Variants in DSCAM observed in about 807,000 individuals in gnomAD.
The protein encoded by DSCAM is cell adhesion molecule DSCAM.
A neutral mutation model predicts 217.7 loss-of-function variants in DSCAM; 47 were observed. The observed-to-expected ratio is 0.22, with a 90% CI of 0.17 to 0.28. DSCAM has a LOEUF of 0.28. Ranked by LOEUF, DSCAM falls within the 10% of genes least tolerant of loss-of-function variation. The pLI, the probability that DSCAM is intolerant of heterozygous loss-of-function variation, is 1.00. For synonymous variants in DSCAM, 1,056 were observed against 1,015.3 expected (o/e 1.04, Z -0.76); for missense variants, 2,080 against 2,618.3 (o/e 0.79, Z 4.49).
In DSCAM at chr21:40,754,732, A is replaced by C. The variant is rs558008953; in HGVS notation, c.44-45961T>G. Among the ~76,000 whole-genome samples, 17 of 152,338 alleles carry C rather than the reference A, an allele frequency of 1.1e-4. No homozygotes were observed. The East Asian group carries it at 3.1e-3, about 28-fold the overall frequency. On this transcript the variant is annotated intron_variant, in intron 1 of 32. Coordinates refer to ENST00000400454, the MANE Select transcript of DSCAM (RefSeq NM_001389.5). ...AAATGGTAAGGAGGTGACAGGCTCC[A>C]GGCAGGCACCAACAGCACCTGCAAC... is the stretch of plus-strand genomic sequence containing the variant.
In DSCAM at chr21:40,370,858, G is replaced by C. The variant is rs189776402; in HGVS notation, c.509-1613C>G. Among the ~76,000 whole-genome samples the C allele has an allele frequency of 2.7e-4, 41 of 152,204 alleles. No homozygotes were observed. The East Asian group carries it at 7.8e-3, about 29-fold the overall frequency. On this transcript the variant is annotated intron_variant, in intron 3 of 32. Coordinates refer to ENST00000400454, the MANE Select transcript of DSCAM (RefSeq NM_001389.5). The stretch of plus-strand genomic sequence containing the variant: ...GCTGGTCTTGAACTCATGAGCTCAA[G>C]TGATCCACCCGTCTTGGCCTCCCAA...
chr21:40,837,757 G>A (rs1030461358), intron 1 of DSCAM, among the ~76,000 whole-genome samples: 9 of 152,222 alleles, frequency 5.9e-5, no homozygotes, highest in Non-Finnish European at 1.3e-4. Context: ...AGATCCGGCA[G>A]GAGTGATAAA....
chr21:40,030,126 A>C (rs1360855790), intron 32 of DSCAM, among the ~76,000 whole-genome samples: 2 of 152,222 alleles, frequency 1.3e-5, no homozygotes, highest in Admixed American at 1.3e-4. Context: ...GGATACACAC[A>C]GGCACACACA....
chr21:40,559,182 G>A (rs964783258), intron 3 of DSCAM, among the ~76,000 whole-genome samples: 1 of 111,070 alleles, frequency 9.0e-6, no homozygotes, highest in Non-Finnish European at 2.1e-5. Context: ...AAGTAGGCCG[G>A]GCACGGTGGC....
chr21:40,121,549 C>A (rs1189085750), intron 20 of DSCAM, among the ~76,000 whole-genome samples: 1 of 152,104 alleles, frequency 6.6e-6, no homozygotes, highest in Non-Finnish European at 1.5e-5. Flanking sequence ...TGGAAGAACA[C>A]AGGCACCTGC....
chr21:40,736,541 C>T (rs1465883599), intron 1 of DSCAM, among the ~76,000 whole-genome samples: 1 of 152,182 alleles, frequency 6.6e-6, no homozygotes, highest in African/African-American at 2.4e-5. Context: ...TCTGAGGCTT[C>T]CCCAATTGTG....
intron 8 of DSCAM, among the ~76,000 whole-genome samples, chr21:40,321,477 G>A (rs1051413705): frequency 1.3e-5 from 2 of 152,166 alleles, no homozygotes; most frequent in Non-Finnish European, 2.9e-5. Flanking sequence ...TTCTTTTTGT[G>A]TCCAGCTGCT....
At chr21:40,485,237 CTTTTTT>C (rs59901955) in intron 3 of DSCAM, among the ~76,000 whole-genome samples, 3 of 108,184 alleles carry the variant, frequency 2.8e-5, no homozygotes, top group Admixed American at 1.1e-4. Context: ...GACTTTCTTT[CTTTTTT>C]TTTTTTTTTT....
chr21:40,709,102 A>T (rs2090749440), intron 1 of DSCAM, among the ~76,000 whole-genome samples: 1 of 152,058 alleles, frequency 6.6e-6, no homozygotes, highest in African/African-American at 2.4e-5. Flanking sequence ...ATATTCACTT[A>T]TTGTCTATCT....
chr21:40,502,433 T>C (rs1483477261), intron 3 of DSCAM, among the ~76,000 whole-genome samples: 1 of 152,204 alleles, frequency 6.6e-6, no homozygotes, highest in Non-Finnish European at 1.5e-5. Context: ...GTATTATCTA[T>C]AGTTCTGTAG....
At chr21:40,518,150 T>C (rs2076318512) in intron 3 of DSCAM, among the ~76,000 whole-genome samples, 2 of 149,252 alleles carry the variant, frequency 1.3e-5, no homozygotes, top group Non-Finnish European at 3.0e-5. Flanking sequence ...AAACACAGAG[T>C]GAATAGCCGA....
At chr21:40,593,984 G>A (rs569953365) in intron 3 of DSCAM, among the ~76,000 whole-genome samples, 41 of 152,158 alleles carry the variant, frequency 2.7e-4, no homozygotes, top group African/African-American at 7.7e-4. Flanking sequence ...TGTTGTTTTC[G>A]TTTATGCTTT....
chr21:40,491,630 C>T (rs1343512818), intron 3 of DSCAM, among the ~76,000 whole-genome samples: 2 of 152,276 alleles, frequency 1.3e-5, no homozygotes, highest in East Asian at 3.9e-4. Flanking sequence ...TACCTACCCT[C>T]CTTCTATAAA....
At chr21:40,360,799 G>A (rs1332739934) in intron 4 of DSCAM, among the ~76,000 whole-genome samples, 1 of 152,150 alleles carries the variant, frequency 6.6e-6, no homozygotes, top group Non-Finnish European at 1.5e-5. Context: ...CTTTTTGGAA[G>A]AATGATTTAT....
intron 1 of DSCAM, among the ~76,000 whole-genome samples, chr21:40,804,944 C>T (rs1175706142): frequency 6.6e-6 from 1 of 152,176 alleles, no homozygotes; most frequent in Non-Finnish European, 1.5e-5. Context: ...AAGCTTTCTC[C>T]TTCCCCACCC....
At chr21:40,635,843 G>C (rs988513466) in intron 3 of DSCAM, among the ~76,000 whole-genome samples, 1 of 152,076 alleles carries the variant, frequency 6.6e-6, no homozygotes, top group African/African-American at 2.4e-5. Context: ...GCACTTCCAA[G>C]TCAAAAGAAT....
intron 1 of DSCAM, among the ~76,000 whole-genome samples, chr21:40,780,423 GTATA>G (rs71186965): frequency 1.1e-4 from 6 of 56,430 alleles, no homozygotes; most frequent in Non-Finnish European, 2.0e-4. Flanking sequence ...GTGTGTGTGT[GTATA>G]TATATATATA....
chr21:40,609,745 G>A (rs1245130731), intron 3 of DSCAM, among the ~76,000 whole-genome samples: 1 of 152,252 alleles, frequency 6.6e-6, no homozygotes, highest in African/African-American at 2.4e-5. Context: ...GGAGAGGTAA[G>A]TGGATAAAAT....
At chr21:40,529,269 T>C (rs538858399) in intron 3 of DSCAM, among the ~76,000 whole-genome samples, 4 of 152,150 alleles carry the variant, frequency 2.6e-5, no homozygotes, top group Non-Finnish European at 5.9e-5. Context: ...GTTTCTCCAG[T>C]AAGGCAGTGA....
Sources: allele counts gnomAD v4.1 joint callset (sites outside exome capture counted in the v4.1 genomes callset), GRCh38; gene constraint gnomAD v4.1.1; transcripts MANE v1.5; gene names NCBI Gene and HGNC (gene_info 2026-07-23, HGNC 2026-07-21).